The following PCDHGB1 variants were observed in gnomAD, a reference collection of about 807,000 sequenced individuals.
PCDHGB1 encodes protocadherin gamma subfamily B, 1, also known as protocadherin gamma-B1.
A neutral mutation model predicts 56.6 loss-of-function variants in PCDHGB1; 34 were observed. The observed-to-expected ratio is 0.60, with a 90% confidence interval of 0.46 to 0.80. PCDHGB1 has a LOEUF of 0.80. Ranked by LOEUF, PCDHGB1 falls within the 30% of genes least tolerant of loss-of-function variation. PCDHGB1 has a pLI of 0.00. For synonymous variants in PCDHGB1, 561 were observed against 505.9 expected, an observed-to-expected ratio of 1.11 and a Z score of -1.46; for missense variants, 1,278 against 1,204.6, an observed-to-expected ratio of 1.06 and a Z score of -0.90.
intron 1 of PCDHGB1, chr5:141,388,330 G>A: frequency 6.2e-7 from 1 of 1,613,882 alleles, no homozygotes; most frequent in Non-Finnish European, 8.5e-7. Context: ...GCACAGCCTG[G>A]CACACGATTT....
At chr5:141,408,697 C>T (rs58047392) in intron 1 of PCDHGB1, 227,396 of 1,612,898 alleles carry the variant, frequency 0.14, 18,149 homozygotes, top group African/African-American at 0.31. Context: ...TAAACATAAA[C>T]TCAATTAAAG....
rs574920194 is a variant in PCDHGB1 at position 141,364,921 on chromosome 5, A to C, written c.2409+12252A>C. ...AAAAGTATCCGGAGCTGGTGTTGGA[A>C]CAGCCCCTAGACCGCGAGAAAGAGA... On this transcript the variant is annotated intron_variant, in intron 1 of 3. Coordinates refer to ENST00000523390, the MANE Select transcript of PCDHGB1 (RefSeq NM_018922.3). 2.2e-5 allele frequency: 36 copies of C among 1,613,954 alleles called. No individual in the cohort carries two copies. In the African/African-American group the frequency reaches 3.6e-4, roughly 16 times the overall value.
At chr5:141,510,682 GA>G (rs1303501817) in intron 3 of PCDHGB1, among the ~76,000 whole-genome samples, 6 of 152,154 alleles carry the variant, frequency 3.9e-5, no homozygotes, top group Non-Finnish European at 8.8e-5. Flanking sequence ...GTGGCATAAG[GA>G]GGTTAGGTAG....
chr5:141,391,749 G>A (rs147297013), intron 1 of PCDHGB1: 1 of 152,154 alleles, frequency 6.6e-6, no homozygotes, highest in African/African-American at 2.4e-5. Flanking sequence ...CTTATCCTTT[G>A]GCTTCTTAGT....
At chr5:141,414,882 C>T (rs759814512) in intron 1 of PCDHGB1, 7 of 1,614,104 alleles carry the variant, frequency 4.3e-6, no homozygotes, top group East Asian at 4.5e-5. Context: ...TCCTGTACCC[C>T]GCCCTCCCCA....
At chr5:141,397,324 T>C (rs2093508718) in intron 1 of PCDHGB1, among the ~76,000 whole-genome samples, 1 of 152,148 alleles carries the variant, frequency 6.6e-6, no homozygotes, top group African/African-American at 2.4e-5. Flanking sequence ...TAAAGAAAAA[T>C]TATTTTTATA....
At chr5:141,387,604 T>C (rs2091008879) in intron 1 of PCDHGB1, 2 of 547,084 alleles carry the variant, frequency 3.7e-6, no homozygotes, top group Non-Finnish European at 6.4e-6. Flanking sequence ...CAGCAGAGGC[T>C]GTAGTTTCCT....
At chr5:141,423,427 G>T (rs2096739583) in intron 1 of PCDHGB1, 1 of 1,613,892 alleles carries the variant, frequency 6.2e-7, no homozygotes, top group Non-Finnish European at 8.5e-7. Flanking sequence ...AGGCGGGTTG[G>T]CAGGTATGCC....
At chr5:141,422,966 C>A (rs762530904) in intron 1 of PCDHGB1, 1 of 1,614,112 alleles carries the variant, frequency 6.2e-7, no homozygotes, top group Admixed American at 1.7e-5. Flanking sequence ...GAGCTGGCGC[C>A]CCGCTCTGCG....
At chr5:141,353,898 A>G (rs1759411313) in intron 1 of PCDHGB1, among the ~76,000 whole-genome samples, 1 of 152,366 alleles carries the variant, frequency 6.6e-6, no homozygotes, top group East Asian at 1.9e-4. Context: ...TAAATTCTGT[A>G]TAGCTAATGC....
At position 141,407,135 on chromosome 5, in the gene PCDHGB1, G is replaced by GA. The variant is rs796659459; in HGVS notation, c.2409+54474dup. The stretch of plus-strand genomic sequence containing the variant: ...TGGGTTTCAGTTGCTTTATTTTTAA[G>GA]AAAAAAAAGCTGAAGTGTCTGGGAA... On this transcript the variant is annotated intron_variant, in intron 1 of 3. Coordinates refer to ENST00000523390, the MANE Select transcript of PCDHGB1 (RefSeq NM_018922.3). 3.3e-5 allele frequency among the ~76,000 whole-genome samples: 5 copies of GA among 151,810 alleles called. No homozygotes were observed. In the South Asian group the frequency reaches 6.2e-4, roughly 19 times the overall value.
At position 141,394,947 on chromosome 5, in the gene PCDHGB1, C is replaced by T. The variant is rs536743847; in HGVS notation, c.2409+42278C>T. The T allele has an allele frequency of 1.7e-5, 27 of 1,613,892 alleles. No homozygotes were observed. In the African/African-American group the frequency reaches 2.8e-4, roughly 17 times the overall value. Reference sequence around the variant, plus strand: ...CTTCCTCGCCTTTGTCGCTGTGCTTCTGGGGCTCAGGCTGAGGCGCTGGCA... The same window carrying T: ...CTTCCTCGCCTTTGTCGCTGTGCTTTTGGGGCTCAGGCTGAGGCGCTGGCA... On this transcript the variant is annotated intron_variant, in intron 1 of 3. Coordinates refer to ENST00000523390, the MANE Select transcript of PCDHGB1 (RefSeq NM_018922.3).
chr5:141,463,532 T>C (rs1237301892), intron 1 of PCDHGB1, among the ~76,000 whole-genome samples: 2 of 133,692 alleles, frequency 1.5e-5, no homozygotes, highest in Non-Finnish European at 3.1e-5. Flanking sequence ...TACTAGAAAC[T>C]CCGGCTCCCG....
At chr5:141,354,009 C>T (rs1041601052) in intron 1 of PCDHGB1, among the ~76,000 whole-genome samples, 2 of 152,168 alleles carry the variant, frequency 1.3e-5, no homozygotes, top group African/African-American at 4.8e-5. Flanking sequence ...TAGTAAATTA[C>T]TGTAAGTATT....
intron 1 of PCDHGB1, chr5:141,413,736 G>C: frequency 6.2e-7 from 1 of 1,613,452 alleles, no homozygotes; most frequent in South Asian, 1.1e-5. Context: ...TAAGAGTTCA[G>C]AGCCGTGCCA....
At chr5:141,372,612 C>T (rs773605439) in intron 1 of PCDHGB1, 2 of 1,614,004 alleles carry the variant, frequency 1.2e-6, no homozygotes, top group Non-Finnish European at 1.7e-6. Context: ...ACCTGGAGTT[C>T]TCCCCACCTA....
Position 141,491,758 on chromosome 5 carries a change from C to A in PCDHGB1, c.2410-3049C>A. The stretch of plus-strand genomic sequence containing the variant: ...TGGGGGCGGCACTGGAGAAGCCGCC[C>A]GTCCTCATAAGGGATTGAACTTGCA... On this transcript the variant is annotated intron_variant, in intron 1 of 3. Coordinates refer to ENST00000523390, the MANE Select transcript of PCDHGB1 (RefSeq NM_018922.3). This position sits in a 1 kb window ranked among gnomAD's most constrained non-coding sequence, Gnocchi z 6.9. 6.3e-7 allele frequency: 1 copy of A among 1,578,788 alleles called. No homozygotes were observed. Among genetic ancestry groups the A allele is most frequent in the Non-Finnish European group, 8.6e-7 (1 of 1,163,522 alleles).
intron 1 of PCDHGB1, among the ~76,000 whole-genome samples, chr5:141,444,503 T>C (rs2098438734): frequency 6.6e-6 from 1 of 152,088 alleles, no homozygotes; most frequent in Non-Finnish European, 1.5e-5. Flanking sequence ...AATACTTTGC[T>C]CTAGCAGTAT....
chr5:141,452,088 AAG>A (rs1200732162), intron 1 of PCDHGB1, among the ~76,000 whole-genome samples: 2 of 152,206 alleles, frequency 1.3e-5, no homozygotes, highest in African/African-American at 4.8e-5. Flanking sequence ...ATTATACAGT[AAG>A]AAAGAGCTTT....
Sources: gnomAD v4.1 joint callset for allele counts (sites outside exome capture counted in the v4.1 genomes callset) on GRCh38, gnomAD v4.1.1 for gene constraint, Gnocchi (gnomAD v3.1) non-coding constraint, MANE v1.5 for transcripts, NCBI Gene and HGNC (gene_info 2026-07-23, HGNC 2026-07-21) for gene names.